The following SPDYE3 variants were observed in gnomAD, a reference collection of about 807,000 sequenced individuals.
SPDYE3 encodes the protein speedy protein E3.
SPDYE3 carries 15 observed loss-of-function variants against 55.0 expected under a neutral mutation model. That is an observed-to-expected ratio of 0.27 (90% confidence interval 0.18 to 0.42). SPDYE3 has a LOEUF of 0.42. SPDYE3 is among the 10% of genes least tolerant of loss of function. SPDYE3 has a pLI of 1.00. For missense variants in SPDYE3, 236 were observed against 576.7 expected (o/e 0.41, Z 6.05); for synonymous variants, 89 against 229.9 (o/e 0.39, Z 5.55).
Position 100,320,896 on chromosome 7 carries a change from C to A in SPDYE3, c.*51C>A. On this transcript the variant is annotated 3_prime_UTR_variant, in exon 11 of 11. Coordinates refer to ENST00000332397, the MANE Select transcript of SPDYE3 (RefSeq NM_001004351.5). Reference sequence around the variant, plus strand: ...ATTGTCTCTCTCACTTCCAGAACACCGGACCCAGGGGAGATGTGGATTTTC... The same window carrying A: ...ATTGTCTCTCTCACTTCCAGAACACAGGACCCAGGGGAGATGTGGATTTTC... The A allele has an allele frequency of 8.1e-7, 1 of 1,230,388 alleles. No individual in the cohort carries two copies. The allele number at this position is 1,230,388 out of a possible 1,614,324, so 76.2% of individuals were successfully genotyped here.
chr7:100,319,229 T>C (rs1789515085), intron 8 of SPDYE3, among the ~76,000 whole-genome samples: 1 of 152,132 alleles, frequency 6.6e-6, no homozygotes, highest in South Asian at 2.1e-4. Flanking sequence ...ATATTTTTAA[T>C]AGAGACAAGG....
chr7:100,319,712 G>C lies in SPDYE3; in HGVS notation c.1494G>C (p.Lys498Asn), dbSNP rs575066768. Reference protein sequence around the residue: ...LCRPMNPRARKNCSQIALFQK... With the variant: ...LCRPMNPRARNNCSQIALFQK... The stretch of plus-strand genomic sequence containing the variant: ...GTCCCATGAACCCGAGGGCCAGGAA[G>C]AACTGCTCTCAGATAGCCTTGTTCC... The change falls in exon 9 of 11, where the codon AAG becomes AAC. Residue 498 changes from lysine to asparagine, a missense_variant. Transcript: ENST00000332397. 1.2e-6 allele frequency: 2 copies of C among 1,614,212 alleles called. No individual in the cohort carries two copies. The highest frequency in any genetic ancestry group is 4.5e-5 in the East Asian group (2 of 44,874).
rs1246286827 is a variant in SPDYE3, at chr7:100,321,641, A to G, written c.*796A>G. 6.6e-6 allele frequency: 1 copy of G among 151,508 alleles called. No individual in the cohort carries two copies. The highest frequency in any genetic ancestry group is 1.5e-5 in the Non-Finnish European group (1 of 67,968). The allele number at this position is 151,508 out of a possible 1,614,324, so 9.4% of individuals were successfully genotyped here. ...TTTATAGCTATTGGTAGTTCCCCCA[A>G]ATTCTGGTCATAGAAATTTTTATTT... On this transcript the variant is annotated 3_prime_UTR_variant, in exon 11 of 11. Coordinates refer to ENST00000332397, the MANE Select transcript of SPDYE3 (RefSeq NM_001004351.5).
chr7:100,314,267 T>G (rs1354894654), intron 5 of SPDYE3, among the ~76,000 whole-genome samples: 1 of 130,664 alleles, frequency 7.7e-6, no homozygotes, highest in Non-Finnish European at 1.7e-5. Context: ...AGATTCTGTC[T>G]CGAAACAAAA....
chr7:100,308,084 C>G (rs1162026647), intron 1 of SPDYE3, 93 bp downstream of exon 1: 7 of 1,414,044 alleles, frequency 5.0e-6, no homozygotes, highest in East Asian at 2.9e-5. Context: ...AACACCAACA[C>G]TTTGGGAGGC....
At chr7:100,319,069 C>T (rs1456598808) in intron 8 of SPDYE3, among the ~76,000 whole-genome samples, 2 of 151,824 alleles carry the variant, frequency 1.3e-5, no homozygotes, top group Non-Finnish European at 2.9e-5. Context: ...TGCCACCGCA[C>T]CAGGCTGATT....
intron 8 of SPDYE3, among the ~76,000 whole-genome samples, 195 bp downstream of exon 8, chr7:100,317,350 A>T (rs548092981): frequency 2.0e-5 from 3 of 152,222 alleles, no homozygotes; most frequent in African/African-American, 7.2e-5. Context: ...TCAGGCCTGT[A>T]ATCCCAGCAC....
chr7:100,318,290 C>T lies in SPDYE3; in HGVS notation c.1346+1135C>T, dbSNP rs558762153. 1.1e-4 allele frequency among the ~76,000 whole-genome samples: 16 copies of T among 152,254 alleles called. No individual in the cohort carries two copies. In the South Asian group the frequency reaches 2.3e-3, roughly 22 times the overall value. On this transcript the variant is annotated intron_variant, in intron 8 of 10. Coordinates refer to ENST00000332397, the MANE Select transcript of SPDYE3 (RefSeq NM_001004351.5). Reference sequence around the variant, plus strand: ...GCAGCCTGAACATCTTTCCAAAGCACGACAACCTCACTGCCCACCTGAACA... The same window carrying T: ...GCAGCCTGAACATCTTTCCAAAGCATGACAACCTCACTGCCCACCTGAACA...
chr7:100,308,783 G>A (rs1805890631), intron 1 of SPDYE3, among the ~76,000 whole-genome samples, 191 bp from the exon 2 acceptor site: 1 of 150,632 alleles, frequency 6.6e-6, no homozygotes, highest in Admixed American at 6.6e-5. Flanking sequence ...TCTGAGGACA[G>A]AGAGAGGGAA....
intron 9 of SPDYE3, 25 bp downstream of exon 9, chr7:100,319,833 G>A (rs1453831726): frequency 1.2e-6 from 2 of 1,613,998 alleles, no homozygotes; most frequent in Non-Finnish European, 1.7e-6. Flanking sequence ...GGGAGGTGGA[G>A]GATGTGGGGA....
At chr7:100,317,441 C>T (rs1271198781) in intron 8 of SPDYE3, among the ~76,000 whole-genome samples, 1 of 151,970 alleles carries the variant, frequency 6.6e-6, no homozygotes, top group Non-Finnish European at 1.5e-5. Flanking sequence ...CCCGTCTCTA[C>T]TAAAAATAGA....
In SPDYE3 at chr7:100,319,637, G is replaced by C; in HGVS notation, c.1419G>C (p.Lys473Asn). ...KQKIFYFLYG[K>N]THSHIPLRPK... ...AGATCTTCTACTTCCTGTACGGGAAGACCCACTCTCACATACCCTTGCGCC... is the reference window on the plus strand; with the variant it reads ...AGATCTTCTACTTCCTGTACGGGAACACCCACTCTCACATACCCTTGCGCC... The change falls in exon 9 of 11, where the codon AAG (lysine) becomes AAC (asparagine). Residue 473 changes from lysine to asparagine, a missense_variant. Transcript: ENST00000332397. The C allele has an allele frequency of 6.2e-7, 1 of 1,614,246 alleles. No individual in the cohort carries two copies. Among genetic ancestry groups the C allele is most frequent in the Non-Finnish European group, 8.5e-7 (1 of 1,180,048 alleles).
At chr7:100,308,317 T>TGA (rs1204579633) in intron 1 of SPDYE3, among the ~76,000 whole-genome samples, 2 of 111,670 alleles carry the variant, frequency 1.8e-5, no homozygotes, top group African/African-American at 7.2e-5. Flanking sequence ...GGTGAGAGAG[T>TGA]GAGACGCTGT....
At chr7:100,314,269 G>A (rs1197573318) in intron 5 of SPDYE3, among the ~76,000 whole-genome samples, 2 of 133,170 alleles carry the variant, frequency 1.5e-5, no homozygotes, top group Admixed American at 7.4e-5. Flanking sequence ...ATTCTGTCTC[G>A]AAACAAAAAA....
Position 100,311,881 on chromosome 7 carries a change from A to G in SPDYE3, c.676A>G (p.Thr226Ala), listed in dbSNP as rs536850941. The G allele has an allele frequency of 6.7e-7, 1 of 1,503,592 alleles. No individual in the cohort carries two copies. The highest frequency in any genetic ancestry group is 1.1e-5 in the South Asian group (1 of 87,776). The allele number at this position is 1,503,592 out of a possible 1,614,324, so 93.1% of individuals were successfully genotyped here. ...GCCTGAGGAGACCTGGGTGGCAGAG[A>G]CGCTGTGTGGCCTCAAGATGAAGGC... The part of the protein sequence containing the change: ...PEPEETWVAE[T>A]LCGLKMKAKR... The change falls in exon 4 of 11, where the codon ACG becomes GCG. Residue 226 changes from threonine to alanine, a missense_variant. Physicochemically the swap from Thr to Ala is moderately conservative, Grantham distance 58 (BLOSUM62 0). Coordinates refer to ENST00000332397, the MANE Select transcript of SPDYE3 (RefSeq NM_001004351.5).
intron 8 of SPDYE3, among the ~76,000 whole-genome samples, 177 bp from the exon 9 acceptor site, chr7:100,319,388 T>A (rs1789518405): frequency 6.6e-6 from 1 of 152,164 alleles, no homozygotes; most frequent in African/African-American, 2.4e-5. Flanking sequence ...GAGTGGGAGA[T>A]GCCCTTGATC....
At chr7:100,320,493 G>A in intron 10 of SPDYE3, 1 of 977,680 alleles carries the variant, frequency 1.0e-6, no homozygotes, top group Non-Finnish European at 1.3e-6. Flanking sequence ...TAGGCTTCTG[G>A]ACTCGTGGTT....
In SPDYE3 at chr7:100,315,930, C is replaced by T; in HGVS notation, c.1260+87C>T. On this transcript the variant is annotated intron_variant, in intron 7 of 10. Transcript: ENST00000332397. ...GCTTCCAAACCCACAGTTCTCCCTCCACCACCTCCCACCAGATGCTCCTAC... is the reference window on the plus strand; with the variant it reads ...GCTTCCAAACCCACAGTTCTCCCTCTACCACCTCCCACCAGATGCTCCTAC... 5 of 1,569,480 alleles carry T rather than the reference C, an allele frequency of 3.2e-6. No homozygotes were observed. In the South Asian group the frequency reaches 4.4e-5, roughly 14 times the overall value.
rs372371883 is a variant in SPDYE3, at chr7:100,319,519, C to G, written c.1347-46C>G. 4 of 1,613,540 alleles carry G rather than the reference C, an allele frequency of 2.5e-6. No homozygotes were observed. In the African/African-American group the frequency reaches 5.3e-5, roughly 22 times the overall value. On this transcript the variant is annotated intron_variant, in intron 8 of 10. Transcript: ENST00000332397. ...TGGGAAGCTGACCTCAGCCGGAGGT[C>G]TCTCCTGGTGGTGCCCCTGAGCAGC... is the stretch of plus-strand genomic sequence containing the variant.
Sources: gnomAD v4.1 joint callset for allele counts (sites outside exome capture counted in the v4.1 genomes callset) on GRCh38, gnomAD v4.1.1 for gene constraint, MANE v1.5 for transcripts, NCBI Gene and HGNC (gene_info 2026-07-23, HGNC 2026-07-21) for gene names.